CADPS: variants seen among roughly 807,000 people sequenced by gnomAD.
CADPS encodes the protein calcium dependent secretion activator, also known as calcium-dependent secretion activator 1.
In CADPS, 57 loss-of-function variants were observed where a neutral mutation model predicts 167.3. That is an observed-to-expected ratio of 0.34 (90% confidence interval 0.28 to 0.42). The LOEUF (loss-of-function observed/expected upper bound fraction) is 0.42, where lower values mean the gene tolerates loss of function less well. CADPS is among the 20% of genes least tolerant of loss of function. CADPS has a pLI of 1.00. For missense variants in CADPS, 1,414 were observed against 1,738.1 expected (o/e 0.81, Z 3.32); for synonymous variants, 676 against 635.3 (o/e 1.06, Z -0.96).
intron 26 of CADPS, among the ~76,000 whole-genome samples, chr3:62,450,628 C>T (rs1008931320): frequency 2.6e-5 from 4 of 152,188 alleles, no homozygotes. Context: ...CCAGATAGAG[C>T]CAGTTCTGGA....
chr3:62,492,367 G>T lies in CADPS; in HGVS notation c.2807C>A (p.Ala936Asp). 6.2e-7 allele frequency: 1 copy of T among 1,614,000 alleles called. No individual in the cohort carries two copies. Among genetic ancestry groups the T allele is most frequent in the Non-Finnish European group, 8.5e-7 (1 of 1,179,874 alleles). Residue 936 changes from alanine (A) to aspartate (D), a missense_variant, in exon 20 of 30, where the codon GCC becomes GAC. Around this residue, in one of 6 missense-constraint regions of CADPS, gnomAD observed 529 missense variants for 629.6 expected, o/e 0.84. Coordinates refer to ENST00000383710, the MANE Select transcript of CADPS (RefSeq NM_003716.4). ...LSLFAVDMDA[A>D]LEVQPPDTWD... ...TGTGTCTGGAGGTTGCACCTCTAAG[G>T]CTGCATCCATGTCTACTGCAAAGAG...
At chr3:62,679,298 G>T (rs1054816595) in intron 3 of CADPS, among the ~76,000 whole-genome samples, 14 of 152,134 alleles carry the variant, frequency 9.2e-5, no homozygotes, top group African/African-American at 2.7e-4. Flanking sequence ...CAGGTTAAAC[G>T]CACACTGAGG....
chr3:62,553,548 G>C (rs1204243455), intron 10 of CADPS, among the ~76,000 whole-genome samples: 2 of 152,128 alleles, frequency 1.3e-5, no homozygotes, highest in Non-Finnish European at 2.9e-5. Context: ...TCCAGGGCTG[G>C]GCCCTCACTA....
At chr3:62,613,434 T>C (rs961202478) in intron 6 of CADPS, among the ~76,000 whole-genome samples, 20 of 152,184 alleles carry the variant, frequency 1.3e-4, no homozygotes, top group African/African-American at 4.6e-4. Context: ...TCTTCATAAG[T>C]TCAGAAAACG....
intron 28 of CADPS, among the ~76,000 whole-genome samples, chr3:62,427,135 C>T (rs2052912511): frequency 6.6e-6 from 1 of 151,214 alleles, no homozygotes; most frequent in South Asian, 2.1e-4. Context: ...GCTGTAGTGA[C>T]TCATTGAACT....
intron 1 of CADPS, among the ~76,000 whole-genome samples, chr3:62,771,260 G>C (rs192514878): frequency 3.3e-4 from 50 of 152,266 alleles, no homozygotes; most frequent in African/African-American, 1.2e-3. Context: ...TGTATACCAG[G>C]CACAGTGTTA....
chr3:62,621,672 T>A (rs758165711), intron 6 of CADPS, among the ~76,000 whole-genome samples: 10 of 151,952 alleles, frequency 6.6e-5, no homozygotes, highest in Non-Finnish European at 1.0e-4. Flanking sequence ...TCTTGTGCAG[T>A]TTATTTCATC....
At chr3:62,865,084 G>C (rs1167877731) in intron 1 of CADPS, among the ~76,000 whole-genome samples, 1 of 152,020 alleles carries the variant, frequency 6.6e-6, no homozygotes, top group Non-Finnish European at 1.5e-5. Flanking sequence ...CTGCCTTATA[G>C]ACAACAGTTG....
In CADPS at chr3:62,544,475, T is replaced by C. The variant is rs2076165038; in HGVS notation, c.1966+5428A>G. ...AGCACATTATCAGAGTGCAAAATGA[T>C]CTGTTTTCAGGCATTAAGCAGTCAG... is the stretch of plus-strand genomic sequence containing the variant. On this transcript the variant is annotated intron_variant, in intron 11 of 29. Coordinates refer to ENST00000383710, the MANE Select transcript of CADPS (RefSeq NM_003716.4). The surrounding 1 kb of genome is among the most constrained non-coding windows in gnomAD (Gnocchi z 4.4). Among the ~76,000 whole-genome samples, 1 of 152,078 alleles carries C rather than the reference T, an allele frequency of 6.6e-6. No homozygotes were observed. The highest frequency in any genetic ancestry group is 2.4e-5 in the African/African-American group (1 of 41,418).
At chr3:62,683,383 C>T (rs1191619983) in intron 3 of CADPS, among the ~76,000 whole-genome samples, 2 of 152,002 alleles carry the variant, frequency 1.3e-5, no homozygotes, top group African/African-American at 2.4e-5. Flanking sequence ...CATGCATAGG[C>T]TAGGCACTTT....
At chr3:62,706,411 C>T (rs1281212750) in intron 3 of CADPS, among the ~76,000 whole-genome samples, 6 of 152,032 alleles carry the variant, frequency 3.9e-5, no homozygotes, top group Non-Finnish European at 5.9e-5. Context: ...CTTTACCACT[C>T]GTGAAGGTGG....
chr3:62,665,081 T>C (rs763330779), intron 3 of CADPS, among the ~76,000 whole-genome samples: 7 of 152,218 alleles, frequency 4.6e-5, no homozygotes, highest in Non-Finnish European at 1.0e-4. Context: ...TTAGCATTTA[T>C]TGATGCCTGT....
chr3:62,873,617 CT>C (rs3047307), intron 1 of CADPS, among the ~76,000 whole-genome samples: 1,600 of 132,238 alleles, frequency 0.012, 15 homozygotes, highest in African/African-American at 0.029. Context: ...AAATAGGCGC[CT>C]TTTTTTTTTT....
chr3:62,759,207 A>T (rs778220141), intron 2 of CADPS, among the ~76,000 whole-genome samples: 1 of 152,100 alleles, frequency 6.6e-6, no homozygotes, highest in Non-Finnish European at 1.5e-5. Context: ...CTGGGCTTTA[A>T]TTTCCTCACC....
chr3:62,589,071 AT>A (rs34816829), intron 7 of CADPS, among the ~76,000 whole-genome samples: 104,089 of 151,992 alleles, frequency 0.68, 37,013 homozygotes, highest in Non-Finnish European at 0.77. Flanking sequence ...ATGTGCATGA[AT>A]TTTTTTTTAA....
intron 23 of CADPS, 83 bp from the exon 24 acceptor site, chr3:62,474,403 A>C: frequency 7.7e-7 from 1 of 1,305,872 alleles, no homozygotes; most frequent in Non-Finnish European, 1.1e-6. Context: ...GGTCAGTGAA[A>C]AAGAAAATTG....
intron 1 of CADPS, among the ~76,000 whole-genome samples, chr3:62,772,124 T>C (rs1417890080): frequency 6.6e-6 from 1 of 152,178 alleles, no homozygotes; most frequent in Non-Finnish European, 1.5e-5. Flanking sequence ...GCATAGTATC[T>C]GGCATAGAGT....
chr3:62,706,169 T>A (rs1184055749), intron 3 of CADPS, among the ~76,000 whole-genome samples: 1 of 152,128 alleles, frequency 6.6e-6, no homozygotes, highest in African/African-American at 2.4e-5. Context: ...CCCCAGAACA[T>A]TGCTTCCTTT....
chr3:62,402,660 A>G (rs755714914), intron 29 of CADPS, among the ~76,000 whole-genome samples: 4 of 152,252 alleles, frequency 2.6e-5, no homozygotes, highest in Non-Finnish European at 4.4e-5. Flanking sequence ...TAATGATCAC[A>G]GGACATATTT....
Sources: allele counts gnomAD v4.1 joint callset (sites outside exome capture counted in the v4.1 genomes callset), GRCh38; gene constraint gnomAD v4.1.1; regional missense constraint gnomAD v4.1.1; non-coding constraint Gnocchi (gnomAD v3.1); transcripts MANE v1.5; gene names NCBI Gene and HGNC (gene_info 2026-07-23, HGNC 2026-07-21).